The following GKAP1 variants were observed in gnomAD, a reference collection of about 807,000 sequenced individuals.
GKAP1 encodes G kinase-anchoring protein 1.
Under a neutral mutation model 56.7 loss-of-function variants are expected in GKAP1, and 31 were observed. That is an observed-to-expected ratio of 0.55 (90% confidence interval 0.41 to 0.74). GKAP1 has a LOEUF of 0.74. Ranked by LOEUF, GKAP1 falls within the 30% of genes least tolerant of loss-of-function variation. The pLI is 0.00. For synonymous variants in GKAP1, 151 were observed against 138.6 expected (o/e 1.09, Z -0.63); for missense variants, 364 against 402.3 (o/e 0.90, Z 0.82).
chr9:83,758,710 C>T (rs1943518181), intron 8 of GKAP1, among the ~76,000 whole-genome samples: 1 of 148,982 alleles, frequency 6.7e-6, no homozygotes, highest in South Asian at 2.1e-4. Context: ...GATAGCACTA[C>T]AGAACTCCAG....
intron 8 of GKAP1, among the ~76,000 whole-genome samples, chr9:83,760,048 TTTC>T (rs1564193028): frequency 1.3e-5 from 2 of 152,198 alleles, no homozygotes; most frequent in East Asian, 1.9e-4. Context: ...GGCATCCCAG[TTTC>T]TTCTTCTTCA....
chr9:83,805,229 G>A (rs295278), intron 3 of GKAP1, among the ~76,000 whole-genome samples: 67,414 of 151,762 alleles, frequency 0.44, 15,578 homozygotes, highest in African/African-American at 0.56. Flanking sequence ...GATTAAGGGC[G>A]GTGCAAGATG....
intron 7 of GKAP1, among the ~76,000 whole-genome samples, chr9:83,779,472 T>TACATACACATATACATACATATATAC (rs140600231): frequency 8.5e-6 from 1 of 117,750 alleles, no homozygotes; most frequent in African/African-American, 3.2e-5. Flanking sequence ...CACGCACATA[T>TACATACACATATACATACATATATAC]ACATATACAT....
At chr9:83,816,417 G>C (rs1358306921) in intron 2 of GKAP1, among the ~76,000 whole-genome samples, 1 of 152,140 alleles carries the variant, frequency 6.6e-6, no homozygotes, top group Non-Finnish European at 1.5e-5. Flanking sequence ...AGGACCTGAG[G>C]GATTCTCCCA....
At chr9:83,777,554 C>T (rs1411842283) in intron 7 of GKAP1, among the ~76,000 whole-genome samples, 1 of 151,672 alleles carries the variant, frequency 6.6e-6, no homozygotes, top group Non-Finnish European at 1.5e-5. Context: ...TAGCTAGCAC[C>T]AAGAATATAT....
At chr9:83,788,081 C>T (rs1368411234) in intron 5 of GKAP1, among the ~76,000 whole-genome samples, 1 of 152,116 alleles carries the variant, frequency 6.6e-6, no homozygotes, top group Non-Finnish European at 1.5e-5. Context: ...AGTTTGAGAC[C>T]AGCCTGGCCA....
intron 7 of GKAP1, among the ~76,000 whole-genome samples, chr9:83,777,528 A>G (rs945936795): frequency 6.6e-6 from 1 of 152,226 alleles, no homozygotes; most frequent in African/African-American, 2.4e-5. Flanking sequence ...TAATGAAATT[A>G]ACCTGAGAAC....
Position 83,774,697 on chromosome 9 carries a change from A to AT in GKAP1, c.585+5684_585+5685insA, listed in dbSNP as rs1943823030. Among the ~76,000 whole-genome samples, 3 of 107,230 alleles carry AT rather than the reference A, an allele frequency of 2.8e-5. 1 individual carries two copies. Among genetic ancestry groups the AT allele is most frequent in the Non-Finnish European group, 6.1e-5 (3 of 49,578 alleles). 70.3% of individuals were successfully genotyped at this position (107,230 alleles called of 152,430 possible). A position where few individuals can be genotyped will look rare whatever the true frequency, so the allele number is the denominator to read the frequency against. On this transcript the variant is annotated intron_variant, in intron 7 of 12. Transcript: ENST00000376371. ...CAAAAGAAACTATCAATAAACAGAA[A>AT]CCCCCTTTTTTTTTTTTTTTTTTTT...
At chr9:83,805,430 C>T (rs1011014656) in intron 3 of GKAP1, among the ~76,000 whole-genome samples, 1 of 150,920 alleles carries the variant, frequency 6.6e-6, no homozygotes, top group African/African-American at 2.4e-5. Flanking sequence ...CCTGCCAAAT[C>T]CCCCTCTGCG....
At chr9:83,748,092 A>C (rs1233232041) in intron 10 of GKAP1, among the ~76,000 whole-genome samples, 1 of 152,172 alleles carries the variant, frequency 6.6e-6, no homozygotes, top group African/African-American at 2.4e-5. Flanking sequence ...GGTATTTAAG[A>C]TATCCAGGAA....
chr9:83,755,044 G>C (rs765400896), intron 8 of GKAP1, among the ~76,000 whole-genome samples: 1 of 152,146 alleles, frequency 6.6e-6, no homozygotes, highest in Non-Finnish European at 1.5e-5. Flanking sequence ...TGGCAGGTGA[G>C]GAAGATGAAC....
chr9:83,779,535 G>GTA lies in GKAP1; in HGVS notation c.585+845_585+846dup, dbSNP rs1277312684. Among the ~76,000 whole-genome samples, 77 of 113,554 alleles carry GTA rather than the reference G, an allele frequency of 6.8e-4. 1 individual carries two copies. The highest frequency in any genetic ancestry group is 2.2e-3 in the African/African-American group (68 of 30,522). 74.5% of individuals were successfully genotyped at this position (113,554 alleles called of 152,430 possible). ...TGTATATATATACACGTGTATATGT[G>GTA]TATATATATACACGTGTATATGTGT... is the stretch of plus-strand genomic sequence containing the variant. On this transcript the variant is annotated intron_variant, in intron 7 of 12. Transcript: ENST00000376371.
At chr9:83,804,603 C>G (rs1944402096) in intron 3 of GKAP1, among the ~76,000 whole-genome samples, 1 of 134,068 alleles carries the variant, frequency 7.5e-6, no homozygotes, top group Non-Finnish European at 1.6e-5. Flanking sequence ...CGGCCAGCCG[C>G]CCCATCCAGG....
At chr9:83,758,886 G>T (rs893749764) in intron 8 of GKAP1, among the ~76,000 whole-genome samples, 1 of 152,088 alleles carries the variant, frequency 6.6e-6, no homozygotes, top group Non-Finnish European at 1.5e-5. Flanking sequence ...TCTGAGAAAG[G>T]AGCACATTGG....
chr9:83,788,499 CAA>C, intron 5 of GKAP1, 100 bp downstream of exon 5: 1 of 627,422 alleles, frequency 1.6e-6, no homozygotes. Context: ...AATTTTTGGA[CAA>C]ACTTTTACAG....
At chr9:83,789,959 A>G (rs1176309556) in intron 4 of GKAP1, among the ~76,000 whole-genome samples, 1 of 152,176 alleles carries the variant, frequency 6.6e-6, no homozygotes, top group African/African-American at 2.4e-5. Flanking sequence ...AATTGTTTCT[A>G]TTACTTAATG....
At chr9:83,740,665 T>A (rs1373289068) in intron 12 of GKAP1, among the ~76,000 whole-genome samples, 1 of 152,192 alleles carries the variant, frequency 6.6e-6, no homozygotes, top group Non-Finnish European at 1.5e-5. Context: ...CCACACCTAT[T>A]TAATTGGCTA....
chr9:83,740,210 A>G lies in GKAP1; in HGVS notation c.1054-466T>C, dbSNP rs1383789316. Among the ~76,000 whole-genome samples the G allele has an allele frequency of 3.3e-5, 5 of 152,118 alleles. 1 individual carries two copies. Among genetic ancestry groups the G allele is most frequent in the African/African-American group, 1.2e-4 (5 of 41,428 alleles). ...GAAATTTGATTTTGTTCATTAGTGG[A>G]TTGAAAACTAGGTTATGCTTTTCAT... On this transcript the variant is annotated intron_variant, in intron 12 of 12. Coordinates refer to ENST00000376371, the MANE Select transcript of GKAP1 (RefSeq NM_025211.4).
chr9:83,755,685 A>C (rs1943462723), intron 8 of GKAP1, among the ~76,000 whole-genome samples: 1 of 152,090 alleles, frequency 6.6e-6, no homozygotes, highest in Non-Finnish European at 1.5e-5. Context: ...ACAAAATAAA[A>C]AGGTAAAGGA....
Sources: gnomAD v4.1 joint callset for allele counts (sites outside exome capture counted in the v4.1 genomes callset) on GRCh38, gnomAD v4.1.1 for gene constraint, MANE v1.5 for transcripts, NCBI Gene and HGNC (gene_info 2026-07-23, HGNC 2026-07-21) for gene names.